MYO18B: variants seen among roughly 807,000 people sequenced by gnomAD.
MYO18B encodes unconventional myosin-XVIIIb.
Under a neutral mutation model 273.0 loss-of-function variants are expected in MYO18B, and 204 were observed. That is an observed-to-expected ratio of 0.75 (90% CI 0.67 to 0.84). The LOEUF is 0.84. Among genes scored for constraint, MYO18B ranks in the 40% least tolerant of loss-of-function variants. MYO18B has a pLI of 0.00. For missense variants in MYO18B, 3,212 were observed against 3,287.6 expected, an observed-to-expected ratio of 0.98 and a Z score of 0.56; for synonymous variants, 1,330 against 1,305.7, an observed-to-expected ratio of 1.02 and a Z score of -0.40.
At position 25,891,349 on chromosome 22, in the gene MYO18B, C is replaced by G. The variant is rs1406601480; in HGVS notation, c.4480C>G (p.Gln1494Glu). 2 of 1,584,812 alleles carry G rather than the reference C, an allele frequency of 1.3e-6. No individual in the cohort carries two copies. The highest frequency in any genetic ancestry group is 2.3e-5 in the South Asian group (2 of 86,052). ...VQKKLGDVNK[Q>E]LEEAQQKIQL... ...GAAAAAACTGGGAGATGTGAATAAA[C>G]AGTTGGAAGAAGCCCAGCAGAAAAT... The change falls in exon 27 of 44, where the codon CAG becomes GAG. Residue 1494 changes from glutamine (Q) to glutamate (E), a missense_variant. By Grantham distance (29) the Gln-to-Glu change is conservative. Transcript: ENST00000335473.
the MYO18B span, among the ~76,000 whole-genome samples, chr22:26,043,235 T>A: frequency 4.0e-5 from 6 of 151,884 alleles, no homozygotes; most frequent in African/African-American, 1.5e-4. Flanking sequence ...GAGTCAGTAG[T>A]TTGTTTTTTT....
rs115116424 is a variant in MYO18B, at chr22:25,914,414, T to C, written c.5364+3364T>C. 2.6e-3 allele frequency among the ~76,000 whole-genome samples: 403 copies of C among 152,276 alleles called. 2 individuals carry two copies. Among genetic ancestry groups the C allele is most frequent in the African/African-American group, 9.2e-3 (384 of 41,584 alleles). ...TGTGGCTTTCAGTAATGTTTTATTA[T>C]ATTTTTCTATACAGATCTTGGACTT... On this transcript the variant is annotated intron_variant, in intron 33 of 43. Coordinates refer to ENST00000335473, the MANE Select transcript of MYO18B (RefSeq NM_032608.7).
At chr22:25,755,748 T>A (rs1284585027) in intron 1 of MYO18B, among the ~76,000 whole-genome samples, 1 of 152,134 alleles carries the variant, frequency 6.6e-6, no homozygotes, top group African/African-American at 2.4e-5. Flanking sequence ...CCCTCCTCCC[T>A]CTCTCTGTCT....
rs1243745893 is a variant in MYO18B at position 25,851,536 on chromosome 22, T to C, written c.3842T>C (p.Leu1281Pro). Reference protein sequence around the residue: ...RQFQVLDAPLLKKLMSTSEGI... With the variant: ...RQFQVLDAPLPKKLMSTSEGI... ...TTCCAGGTGCTGGACGCTCCACTCC[T>C]GAAGAAGCTCATGTCGACCTCCGAG... is the stretch of plus-strand genomic sequence containing the variant. The change falls in exon 21 of 44, where the codon CTG becomes CCG. Residue 1281 changes from leucine to proline, a missense_variant. Leu to Pro is a moderately conservative substitution (Grantham distance 98). Transcript: ENST00000335473. 1 of 1,561,168 alleles carries C rather than the reference T, an allele frequency of 6.4e-7. No individual in the cohort carries two copies. The highest frequency in any genetic ancestry group is 8.7e-7 in the Non-Finnish European group (1 of 1,152,180).
At chr22:25,910,188 G>A (rs1412102849) in intron 32 of MYO18B, among the ~76,000 whole-genome samples, 1 of 152,182 alleles carries the variant, frequency 6.6e-6, no homozygotes, top group Admixed American at 6.5e-5. Context: ...TTGTCTAGGT[G>A]GCTTAAATGA....
chr22:26,060,258 G>A, the MYO18B span, among the ~76,000 whole-genome samples: 4 of 152,200 alleles, frequency 2.6e-5, no homozygotes, highest in Admixed American at 2.0e-4. Context: ...GAAGATTTGA[G>A]TAGCTGCAGC....
the MYO18B span, among the ~76,000 whole-genome samples, chr22:26,061,673 G>A: frequency 2.0e-5 from 3 of 150,998 alleles, no homozygotes; most frequent in East Asian, 5.9e-4. Context: ...CTACCACCGA[G>A]AAAGGTCATC....
Position 25,950,815 on chromosome 22 carries a change from G to A in MYO18B, c.5832+365G>A, listed in dbSNP as rs187121489. On this transcript the variant is annotated intron_variant, in intron 37 of 43. Transcript: ENST00000335473. ...TCTAACTCCTGACCTCAGGTGATCC[G>A]CCCTTCTCAGTCTCCCAAAGTGCTG... Among the ~76,000 whole-genome samples the A allele has an allele frequency of 1.4e-3, 211 of 152,102 alleles. 3 individuals are homozygous for A. The South Asian group carries it at 0.031, about 22-fold the overall frequency.
At chr22:25,906,744 G>A (rs1406171211) in intron 31 of MYO18B, among the ~76,000 whole-genome samples, 1 of 152,204 alleles carries the variant, frequency 6.6e-6, no homozygotes, top group African/African-American at 2.4e-5. Flanking sequence ...TACAGTCACG[G>A]TGGAAGGGGA....
chr22:26,016,499 G>A (rs901231439), intron 42 of MYO18B, among the ~76,000 whole-genome samples: 4 of 152,170 alleles, frequency 2.6e-5, no homozygotes, highest in African/African-American at 9.7e-5. Context: ...TACTGGAAGT[G>A]GGTTTTGAAT....
chr22:25,950,419 C>T lies in MYO18B; in HGVS notation c.5801C>T (p.Ala1934Val). The T allele has an allele frequency of 6.2e-7, 1 of 1,607,870 alleles. No homozygotes were observed. Among genetic ancestry groups the T allele is most frequent in the Non-Finnish European group, 8.5e-7 (1 of 1,177,288 alleles). ...GAACTGCAGCTGCAGCTGGAGGAAGCCAAGAAGGAGAAGCACAAGCTACAA... is the reference window on the plus strand; with the variant it reads ...GAACTGCAGCTGCAGCTGGAGGAAGTCAAGAAGGAGAAGCACAAGCTACAA... ...IQELQLQLEE[A>V]KKEKHKLQEQ... is the part of the protein sequence containing the mutation. Residue 1934 changes from alanine (A) to valine (V), a missense_variant, in exon 37 of 44, where the codon GCC (alanine) becomes GTC (valine). Transcript: ENST00000335473.
intron 23 of MYO18B, among the ~76,000 whole-genome samples, chr22:25,874,800 A>G (rs1000249763): frequency 2.2e-4 from 33 of 152,178 alleles, no homozygotes; most frequent in African/African-American, 8.0e-4. Context: ...CACCATCTTC[A>G]GAGATCTCTG....
chr22:25,942,600 T>C (rs146287886), intron 34 of MYO18B, among the ~76,000 whole-genome samples: 11 of 152,348 alleles, frequency 7.2e-5, no homozygotes, highest in Non-Finnish European at 1.5e-4. Flanking sequence ...AGCTCTGTGA[T>C]GGTGAACAAG....
chr22:25,771,464 C>T (rs1472808517), intron 6 of MYO18B, among the ~76,000 whole-genome samples: 1 of 152,158 alleles, frequency 6.6e-6, no homozygotes, highest in African/African-American at 2.4e-5. Flanking sequence ...CTTTAAATTG[C>T]TTTGAATACA....
chr22:25,874,897 C>T (rs959602388), intron 23 of MYO18B, among the ~76,000 whole-genome samples: 2 of 152,234 alleles, frequency 1.3e-5, no homozygotes, highest in African/African-American at 4.8e-5. Context: ...CGAATTCCAC[C>T]TCTACCTCTT....
intron 34 of MYO18B, among the ~76,000 whole-genome samples, chr22:25,933,222 C>T (rs776160295): frequency 6.6e-6 from 1 of 152,102 alleles, no homozygotes; most frequent in Non-Finnish European, 1.5e-5. Flanking sequence ...GTCTGAGATT[C>T]CCAGGACAAA....
At chr22:25,904,463 A>G (rs948809594) in intron 31 of MYO18B, among the ~76,000 whole-genome samples, 2 of 152,220 alleles carry the variant, frequency 1.3e-5, no homozygotes, top group Non-Finnish European at 2.9e-5. Flanking sequence ...ACATGGAGAA[A>G]GTATCAGGGA....
intron 19 of MYO18B, 89 bp from the exon 20 acceptor site, chr22:25,847,341 T>G: frequency 8.2e-7 from 1 of 1,221,088 alleles, no homozygotes; most frequent in Non-Finnish European, 1.2e-6. Context: ...GATGCTCAGG[T>G]TGGGCTTAAT....
chr22:25,829,626 G>A (rs1394929105), intron 15 of MYO18B, among the ~76,000 whole-genome samples: 1 of 151,820 alleles, frequency 6.6e-6, no homozygotes. Context: ...ATCACCTGAG[G>A]TCAGGAGTTC....
Sources: gnomAD v4.1 joint callset for allele counts (sites outside exome capture counted in the v4.1 genomes callset) on GRCh38, gnomAD v4.1.1 for gene constraint, MANE v1.5 for transcripts, NCBI Gene and HGNC (gene_info 2026-07-23, HGNC 2026-07-21) for gene names.